The following BRF1 variants were observed in gnomAD, a reference collection of about 807,000 sequenced individuals.
BRF1 encodes the protein BRF1 general transcription factor IIIB subunit, also known as transcription factor IIIB 90 kDa subunit.
BRF1 carries 59 observed loss-of-function variants against 81.7 expected under a neutral mutation model. The observed-to-expected ratio is 0.72, with a 90% CI of 0.59 to 0.90. The LOEUF (loss-of-function observed/expected upper bound fraction) is 0.90. Among genes scored for constraint, BRF1 ranks in the 40% least tolerant of loss-of-function variants. The pLI is 0.00. For synonymous variants in BRF1, 491 were observed against 395.6 expected (o/e 1.24, Z -2.86); for missense variants, 1,050 against 936.3 (o/e 1.12, Z -1.58).
Position 105,221,675 on chromosome 14 carries a change from A to G in BRF1, c.1288T>C (p.Cys430Arg), listed in dbSNP as rs1892306288. The G allele has an allele frequency of 6.2e-7, 1 of 1,610,822 alleles. No individual in the cohort carries two copies. Among genetic ancestry groups the G allele is most frequent in the Non-Finnish European group, 8.5e-7 (1 of 1,179,530 alleles). ...GGGTCGCTGCTCTGAGAGGAGATGCATTCGCGGATGGAGTCTGAGATGCCC... is the reference window on the plus strand; with the variant it reads ...GGGTCGCTGCTCTGAGAGGAGATGCGTTCGCGGATGGAGTCTGAGATGCCC... ...SLGISDSIRE[C>R]ISSQSSDPKD... is the part of the protein sequence containing the mutation. The change falls in exon 11 of 18, where the codon TGC becomes CGC. Residue 430 changes from cysteine to arginine, a missense_variant. Cys to Arg is a radical substitution (Grantham distance 180, BLOSUM62 -3). Transcript: ENST00000547530.
At position 105,221,679 on chromosome 14, in the gene BRF1, G is replaced by A. The variant is rs761536119; in HGVS notation, c.1284C>T (p.Arg428=). The change falls in exon 11 of 18, where the codon CGC becomes CGT. Residue 428 remains arginine (R), a synonymous_variant. Transcript: ENST00000547530. ...CGCTGCTCTGAGAGGAGATGCATTC[G>A]CGGATGGAGTCTGAGATGCCCAGGC... The part of the protein sequence containing the change: ...AASLGISDSI[R]ECISSQSSDP... 3.7e-6 allele frequency: 6 copies of A among 1,611,602 alleles called. No homozygotes were observed. In the Admixed American group the frequency reaches 5.0e-5, roughly 13 times the overall value.
At chr14:105,220,018 G>A in intron 12 of BRF1, 51 bp downstream of exon 12, 1 of 1,600,658 alleles carries the variant, frequency 6.2e-7, no homozygotes, top group Non-Finnish European at 8.5e-7. Flanking sequence ...TCCTTGGGCT[G>A]CAGCGCCCTC....
rs910386210 is a variant in BRF1 at position 105,241,333 on chromosome 14, C to T, written c.626G>A (p.Arg209Lys). 1 of 1,612,816 alleles carries T rather than the reference C, an allele frequency of 6.2e-7. No individual in the cohort carries two copies. Among genetic ancestry groups the T allele is most frequent in the Non-Finnish European group, 8.5e-7 (1 of 1,179,954 alleles). ...GTCCCGCTTCATCCTCTGTAGGAGC[C>T]TCAGGGCAGTCATGGACACCTCGTG... Reference protein sequence around the residue: ...KNHEVSMTALRLLQRMKRDWM... With the variant: ...KNHEVSMTALKLLQRMKRDWM... Residue 209 changes from arginine (R) to lysine (K), a missense_variant, in exon 6 of 18, where the codon AGG becomes AAG. By Grantham distance (26) the Arg-to-Lys change is conservative. This residue lies in a region of BRF1 where 1,043 missense variants were observed against 915.4 expected (regional missense o/e 1.14). Transcript: ENST00000547530.
chr14:105,243,285 C>G (rs374355364), intron 5 of BRF1, among the ~76,000 whole-genome samples: 1 of 127,740 alleles, frequency 7.8e-6, no homozygotes, highest in South Asian at 2.4e-4. Context: ...TACTAAAATA[C>G]AAAAAAAAAA....
rs587618561 is a variant in BRF1 at position 105,292,366 on chromosome 14, G to A, written c.185-5990C>T. Among the ~76,000 whole-genome samples, 410 of 152,004 alleles carry A rather than the reference G, an allele frequency of 2.7e-3. 1 individual carries two copies. The highest frequency in any genetic ancestry group is 6.8e-3 in the Middle Eastern group (2 of 294). ...GCCCAGCTAATTTTTGTATTTTGGG[G>A]TTTTTTCTTGTTTTGTTTTTTTAGT... is the stretch of plus-strand genomic sequence containing the variant. On this transcript the variant is annotated intron_variant, in intron 1 of 17. Coordinates refer to ENST00000547530, the MANE Select transcript of BRF1 (RefSeq NM_001519.4).
At chr14:105,248,163 C>T in intron 5 of BRF1, 1 of 985,504 alleles carries the variant, frequency 1.0e-6, no homozygotes, top group Non-Finnish European at 1.2e-6. Context: ...ACCGCGCTCT[C>T]TGCAAGCGCT....
At chr14:105,226,961 A>G in intron 7 of BRF1, 1 of 657,000 alleles carries the variant, frequency 1.5e-6, no homozygotes, top group Non-Finnish European at 2.4e-6. Flanking sequence ...AAAAAAAAAA[A>G]AAATTAGCCA....
At chr14:105,286,226 C>G (rs2057309078) in intron 2 of BRF1, 70 bp downstream of exon 2, 2 of 1,498,620 alleles carry the variant, frequency 1.3e-6, no homozygotes, top group Non-Finnish European at 1.8e-6. Flanking sequence ...TCAGTGCCCT[C>G]CACCCTAGCA....
At chr14:105,229,646 G>C (rs1321922598) in intron 6 of BRF1, among the ~76,000 whole-genome samples, 1 of 150,976 alleles carries the variant, frequency 6.6e-6, no homozygotes, top group Non-Finnish European at 1.5e-5. Context: ...CTGGGGGCGG[G>C]GGACAGCCTG....
At chr14:105,285,483 T>C (rs2057281924) in intron 2 of BRF1, among the ~76,000 whole-genome samples, 1 of 152,228 alleles carries the variant, frequency 6.6e-6, no homozygotes, top group South Asian at 2.1e-4. Context: ...GGCAGGCCCT[T>C]ACCTTACATC....
intron 11 of BRF1, 81 bp downstream of exon 11, chr14:105,221,567 T>C (rs867797809): frequency 3.3e-6 from 5 of 1,526,362 alleles, no homozygotes; most frequent in Middle Eastern, 4.8e-4. Context: ...GATGGCAGCA[T>C]CCGGCTCTCC....
intron 15 of BRF1, among the ~76,000 whole-genome samples, chr14:105,216,744 C>CGGAA (rs1382229303): frequency 1.3e-5 from 2 of 152,196 alleles, no homozygotes; most frequent in African/African-American, 4.8e-5. Flanking sequence ...GCCCCACAGG[C>CGGAA]GGAAGCAGCT....
chr14:105,265,129 T>C (rs1812680824), intron 3 of BRF1, among the ~76,000 whole-genome samples: 1 of 148,980 alleles, frequency 6.7e-6, no homozygotes, highest in Admixed American at 6.8e-5. Flanking sequence ...ACTGATGCAC[T>C]GATGTCATCA....
At chr14:105,296,330 C>T (rs2057742873) in intron 1 of BRF1, among the ~76,000 whole-genome samples, 1 of 151,934 alleles carries the variant, frequency 6.6e-6, no homozygotes, top group African/African-American at 2.4e-5. Context: ...TGAGACCATC[C>T]ATGTAACCCC....
At chr14:105,256,185 G>C in intron 4 of BRF1, 3 of 1,527,318 alleles carry the variant, frequency 2.0e-6, no homozygotes, top group Non-Finnish European at 2.6e-6. Flanking sequence ...ACCAAACTAG[G>C]TACTCACAAA....
chr14:105,227,858 C>G (rs1294880788), intron 7 of BRF1: 3 of 152,236 alleles, frequency 2.0e-5, no homozygotes, highest in Non-Finnish European at 4.4e-5. Flanking sequence ...GAAAATGCCA[C>G]AGGACACAAT....
Position 105,217,717 on chromosome 14 carries a change from C to T in BRF1, c.1599G>A (p.Lys533=). 1 of 1,613,370 alleles carries T rather than the reference C, an allele frequency of 6.2e-7. No homozygotes were observed. Among genetic ancestry groups the T allele is most frequent in the Non-Finnish European group, 8.5e-7 (1 of 1,179,950 alleles). Residue 533 remains lysine (K), a synonymous_variant, in exon 15 of 18, where the codon AAG becomes AAA. Transcript: ENST00000547530. ...EAIEKMLEQK[K]ISSKINYSVL... ...CGCTATAATTGATCTTGCTGGAGAT[C>T]TTCTTCTGCTCCAGCATCTTCTCGA...
intron 1 of BRF1, among the ~76,000 whole-genome samples, chr14:105,291,127 G>A (rs1383021411): frequency 2.6e-5 from 4 of 152,272 alleles, no homozygotes; most frequent in South Asian, 2.1e-4. Context: ...CAGGTCTTGT[G>A]GGGCCTGGCC....
chr14:105,297,661 G>A (rs2057798384), intron 1 of BRF1, among the ~76,000 whole-genome samples: 1 of 152,132 alleles, frequency 6.6e-6, no homozygotes, highest in Non-Finnish European at 1.5e-5. Flanking sequence ...CAGGACTTTT[G>A]TACAGGTTGA....
Sources: gnomAD v4.1 joint callset for allele counts (sites outside exome capture counted in the v4.1 genomes callset) on GRCh38, gnomAD v4.1.1 for gene constraint, gnomAD v4.1.1 regional missense constraint, MANE v1.5 for transcripts, NCBI Gene and HGNC (gene_info 2026-07-23, HGNC 2026-07-21) for gene names.